DCP1A: variants seen among roughly 807,000 people sequenced by gnomAD.
DCP1A encodes decapping mRNA 1A, also known as mRNA-decapping enzyme 1A.
In DCP1A, 20 loss-of-function variants were observed where a neutral mutation model predicts 58.0. That is an observed-to-expected ratio of 0.34 (90% confidence interval 0.24 to 0.50). The LOEUF (loss-of-function observed/expected upper bound fraction) is 0.50. DCP1A is among the 20% of genes least tolerant of loss of function. DCP1A has a pLI of 0.98. For missense variants in DCP1A, 613 were observed against 712.2 expected (o/e 0.86, Z 1.59); for synonymous variants, 285 against 275.1 (o/e 1.04, Z -0.36).
intron 2 of DCP1A, among the ~76,000 whole-genome samples, chr3:53,343,303 T>C (rs1355970791): frequency 6.6e-6 from 1 of 152,222 alleles, no homozygotes; most frequent in Admixed American, 6.5e-5. Context: ...AAAGTGACAG[T>C]CTGACATCCT....
At position 53,292,346 on chromosome 3, in the gene DCP1A, A is replaced by G. The variant is rs782017473; in HGVS notation, c.1106T>C (p.Ile369Thr). 6.2e-7 allele frequency: 1 copy of G among 1,612,756 alleles called. No homozygotes were observed. The highest frequency in any genetic ancestry group is 8.5e-7 in the Non-Finnish European group (1 of 1,178,862). ...GGCCCTGAAGGGGCTCTGGTTGGCA[A>G]TCAGACTGGCATGGCTTAGCTCAGG... The part of the protein sequence containing the change: ...PVPELSHASL[I>T]ANQSPFRAPL... The change falls in exon 7 of 10, where the codon ATT becomes ACT. Residue 369 changes from isoleucine to threonine, a missense_variant. Ile to Thr is a moderately conservative substitution (Grantham distance 89). Coordinates refer to ENST00000610213, the MANE Select transcript of DCP1A (RefSeq NM_018403.7).
Position 53,288,100 on chromosome 3 carries a change from A to G in DCP1A, c.1633T>C (p.Ser545Pro), listed in dbSNP as rs782806485. ...TGTATTAATGTATCCTGGAGCTGAG[A>G]CTTGCTGAGAATAATGGAAGGCTTT... Reference protein sequence around the residue: ...QRKPSIILSKSQLQDTLIHLI... With the variant: ...QRKPSIILSKPQLQDTLIHLI... The change falls in exon 9 of 10, where the codon TCT becomes CCT. Residue 545 changes from serine to proline, a missense_variant. By Grantham distance (74) the Ser-to-Pro change is moderately conservative (BLOSUM62 -1). This residue lies in a region of DCP1A where 498 missense variants were observed against 556.7 expected (regional missense o/e 0.89). Transcript: ENST00000610213. 6.2e-7 allele frequency: 1 copy of G among 1,613,898 alleles called. No individual in the cohort carries two copies. Among genetic ancestry groups the G allele is most frequent in the African/African-American group, 1.3e-5 (1 of 74,936 alleles).
intron 3 of DCP1A, among the ~76,000 whole-genome samples, chr3:53,332,289 G>T (rs2089019745): frequency 6.6e-6 from 1 of 152,120 alleles, no homozygotes; most frequent in South Asian, 2.1e-4. Flanking sequence ...TTAGTCTATT[G>T]GCCCAATTAT....
intron 4 of DCP1A, among the ~76,000 whole-genome samples, chr3:53,317,580 G>A (rs1707849958): frequency 1.3e-5 from 2 of 152,206 alleles, no homozygotes; most frequent in Admixed American, 6.5e-5. Flanking sequence ...GCTGGGTATG[G>A]TGGCTTGTGC....
chr3:53,338,399 A>T (rs369827870), intron 3 of DCP1A, among the ~76,000 whole-genome samples: 77 of 152,112 alleles, frequency 5.1e-4, no homozygotes, highest in African/African-American at 1.1e-3. Context: ...CCTGGGCAAC[A>T]CAGTGAGACC....
intron 5 of DCP1A, among the ~76,000 whole-genome samples, chr3:53,309,325 C>T (rs1266920110): frequency 6.7e-6 from 1 of 149,824 alleles, no homozygotes; most frequent in East Asian, 2.0e-4. Flanking sequence ...GAGTCGAGAT[C>T]GCGCCACTGC....
intron 4 of DCP1A, 95 bp downstream of exon 4, chr3:53,319,312 T>G: frequency 5.3e-6 from 4 of 757,328 alleles, no homozygotes; most frequent in Non-Finnish European, 6.3e-6. Context: ...GGGAAATACA[T>G]GAGTTGGCAG....
In DCP1A at chr3:53,299,118, CAT is replaced by C. The variant is rs530656604; in HGVS notation, c.624+5057_624+5058del. ...AAAGTATTCCCATTGTTAAATGACA[CAT>C]GATTATACCTAACTGGTTGAATTTG... On this transcript the variant is annotated intron_variant, in intron 6 of 9. Coordinates refer to ENST00000610213, the MANE Select transcript of DCP1A (RefSeq NM_018403.7). 2.9e-3 allele frequency among the ~76,000 whole-genome samples: 448 copies of C among 152,298 alleles called. 3 individuals are homozygous for C. The highest frequency in any genetic ancestry group is 5.1e-3 in the Non-Finnish European group (344 of 68,036).
rs557291865 is a variant in DCP1A at position 53,331,913 on chromosome 3, T to C, written c.304+10231A>G. 5.3e-5 allele frequency among the ~76,000 whole-genome samples: 8 copies of C among 152,370 alleles called. No homozygotes were observed. In the South Asian group the frequency reaches 1.7e-3, roughly 32 times the overall value. ...AGTATTACTCGGTGAGGTGTGCTGC[T>C]TGTAGCAGGTATGTACTGGGTTGGT... On this transcript the variant is annotated intron_variant, in intron 3 of 9. Transcript: ENST00000610213.
chr3:53,292,845 C>G lies in DCP1A; in HGVS notation c.625-18G>C. 6.3e-7 allele frequency: 1 copy of G among 1,588,096 alleles called. No homozygotes were observed. Among genetic ancestry groups the G allele is most frequent in the Non-Finnish European group, 8.5e-7 (1 of 1,172,596 alleles). ...GGAGCAGACTGAAAAACAAATGAAA[C>G]CACCCAGTCAAAGAGGTCTGTTATA... On this transcript the variant is annotated intron_variant, in intron 6 of 9. Transcript: ENST00000610213.
chr3:53,334,431 C>T (rs1553691681), intron 3 of DCP1A, among the ~76,000 whole-genome samples: 2 of 151,668 alleles, frequency 1.3e-5, no homozygotes, highest in East Asian at 3.9e-4. Flanking sequence ...TTCTTTTTCC[C>T]ATGGTTTCTA....
rs1706520151 is a variant in DCP1A at position 53,283,752 on chromosome 3, GTTTC to G, written c.*3824_*3827del. On this transcript the variant is annotated 3_prime_UTR_variant, in exon 10 of 10. Coordinates refer to ENST00000610213, the MANE Select transcript of DCP1A (RefSeq NM_018403.7). Reference sequence around the variant, plus strand: ...TTTAGAACACATATTTTAAAAACATGTTTCTTAAGGAATCACACAGATAAAAAGG... The same window carrying G: ...TTTAGAACACATATTTTAAAAACATGTTAAGGAATCACACAGATAAAAAGG... 1 of 152,174 alleles carries G rather than the reference GTTTC, an allele frequency of 6.6e-6. No homozygotes were observed. The highest frequency in any genetic ancestry group is 2.1e-4 in the South Asian group (1 of 4,828). The allele number at this position is 152,174 out of a possible 1,614,324, so 9.4% of individuals were successfully genotyped here.
Position 53,295,345 on chromosome 3 carries a change from TAA to T in DCP1A, c.625-2520_625-2519del, listed in dbSNP as rs1473460574. 2.6e-5 allele frequency among the ~76,000 whole-genome samples: 4 copies of T among 152,156 alleles called. No individual in the cohort carries two copies. The East Asian group carries it at 7.7e-4, about 29-fold the overall frequency. ...CCATTTCACCTTTAAAAATATTCAA[TAA>T]AGAGATTCTACTAATGTTAGACTCT... On this transcript the variant is annotated intron_variant, in intron 6 of 9. Coordinates refer to ENST00000610213, the MANE Select transcript of DCP1A (RefSeq NM_018403.7).
intron 4 of DCP1A, among the ~76,000 whole-genome samples, chr3:53,316,066 G>GT (rs1707804175): frequency 6.6e-6 from 1 of 152,004 alleles, no homozygotes; most frequent in Admixed American, 6.6e-5. Context: ...GAGTAAATCA[G>GT]TTTTTTTACT....
chr3:53,325,017 TA>T (rs1300526595), intron 3 of DCP1A, among the ~76,000 whole-genome samples: 23 of 151,496 alleles, frequency 1.5e-4, no homozygotes, highest in African/African-American at 5.6e-4. Flanking sequence ...TTTGAAAATG[TA>T]AAAAAAAATA....
chr3:53,323,646 T>C lies in DCP1A; in HGVS notation c.305-4173A>G, dbSNP rs1575612246. On this transcript the variant is annotated intron_variant, in intron 3 of 9. Coordinates refer to ENST00000610213, the MANE Select transcript of DCP1A (RefSeq NM_018403.7). ...ATTTTGGGAGGCTGAGGTGGGTGGA[T>C]CACCTGAGGTGAGGAGACCAGCCTG... is the stretch of plus-strand genomic sequence containing the variant. Among the ~76,000 whole-genome samples the C allele has an allele frequency of 4.6e-5, 7 of 152,094 alleles. 1 individual carries two copies. The South Asian group carries it at 1.5e-3, about 32-fold the overall frequency.
At chr3:53,295,873 T>C (rs1186341744) in intron 6 of DCP1A, among the ~76,000 whole-genome samples, 2 of 151,602 alleles carry the variant, frequency 1.3e-5, no homozygotes, top group Non-Finnish European at 2.9e-5. Flanking sequence ...GCTTAAACTA[T>C]AATCACATAA....
At chr3:53,311,771 C>T (rs1271997503) in intron 5 of DCP1A, among the ~76,000 whole-genome samples, 2 of 152,110 alleles carry the variant, frequency 1.3e-5, no homozygotes, top group Non-Finnish European at 2.9e-5. Flanking sequence ...AGAAGAGGCA[C>T]GAAGCTTTAC....
At position 53,285,718 on chromosome 3, in the gene DCP1A, C is replaced by T. The variant is rs1443795864; in HGVS notation, c.*1862G>A. The T allele has an allele frequency of 2.0e-5, 3 of 151,346 alleles. No homozygotes were observed. The highest frequency in any genetic ancestry group is 2.1e-4 in the South Asian group (1 of 4,776). 9.4% of individuals were successfully genotyped at this position (151,346 alleles called of 1,614,324 possible). A position where few individuals can be genotyped will look rare whatever the true frequency, so the allele number is the denominator to read the frequency against. On this transcript the variant is annotated 3_prime_UTR_variant, in exon 10 of 10. Transcript: ENST00000610213. ...AGAATCCCTTGATTCGTCTGTTCAC[C>T]GAAGCCCACTGAGACTACACTTGAG...
Sources: gnomAD v4.1 joint callset for allele counts (sites outside exome capture counted in the v4.1 genomes callset) on GRCh38, gnomAD v4.1.1 for gene constraint, gnomAD v4.1.1 regional missense constraint, MANE v1.5 for transcripts, NCBI Gene and HGNC (gene_info 2026-07-23, HGNC 2026-07-21) for gene names.